The following CDH13 variants were observed in gnomAD, a reference collection of about 807,000 sequenced individuals.
The protein encoded by CDH13 is cadherin-13.
Under a neutral mutation model 63.8 loss-of-function variants are expected in CDH13, and 24 were observed. The ratio of observed to expected loss-of-function variants is 0.38; its 90% CI spans 0.27 to 0.53. The LOEUF (loss-of-function observed/expected upper bound fraction) is 0.53. Among genes scored for constraint, CDH13 ranks in the 20% least tolerant of loss-of-function variants. CDH13 has a pLI of 0.85. For synonymous variants in CDH13, 503 were observed against 355.3 expected (o/e 1.42, Z -4.67); for missense variants, 1,049 against 903.1 (o/e 1.16, Z -2.07).
intron 8 of CDH13, among the ~76,000 whole-genome samples, chr16:83,609,782 A>G (rs957936080): frequency 3.9e-5 from 6 of 152,314 alleles, no homozygotes; most frequent in Admixed American, 3.9e-4. Context: ...GGTTTTCATT[A>G]TATTCACAGA....
intron 3 of CDH13, among the ~76,000 whole-genome samples, chr16:83,085,239 A>T (rs1040553601): frequency 4.6e-5 from 7 of 152,168 alleles, no homozygotes; most frequent in Non-Finnish European, 7.4e-5. Context: ...AAGCAAAAGC[A>T]GAAACCCCTG....
At chr16:82,901,807 G>A (rs576367582) in intron 2 of CDH13, among the ~76,000 whole-genome samples, 2 of 152,318 alleles carry the variant, frequency 1.3e-5, no homozygotes, top group Admixed American at 1.3e-4. Context: ...CAAAGGTCTT[G>A]CCCTCATGGA....
intron 1 of CDH13, among the ~76,000 whole-genome samples, chr16:82,772,815 T>C (rs1273182177): frequency 6.6e-6 from 1 of 152,194 alleles, no homozygotes; most frequent in Non-Finnish European, 1.5e-5. Flanking sequence ...ACCCATTCAA[T>C]CTGACTCCAA....
intron 1 of CDH13, among the ~76,000 whole-genome samples, chr16:82,841,223 C>G (rs975355935): frequency 1.3e-5 from 2 of 152,152 alleles, no homozygotes; most frequent in Non-Finnish European, 2.9e-5. Flanking sequence ...GAATGGCAGC[C>G]TCTGCAAGCT....
At position 83,780,069 on chromosome 16, in the gene CDH13, G is replaced by A; in HGVS notation, c.1783G>A (p.Asp595Asn). The change falls in exon 12 of 14, where the codon GAT becomes AAT. Residue 595 changes from aspartate to asparagine, a missense_variant. Transcript: ENST00000567109. ...IYPTVAEVCD[D>N]AKNLSVVILG... ...CCCCACAGTAGCTGAAGTCTGTGAT[G>A]ATGCCAAAAACCTCAGTGTAGTCAT... The A allele has an allele frequency of 6.2e-7, 1 of 1,613,926 alleles. No homozygotes were observed.
intron 5 of CDH13, among the ~76,000 whole-genome samples, chr16:83,307,523 C>G (rs2089907522): frequency 6.6e-6 from 1 of 152,146 alleles, no homozygotes. Flanking sequence ...GGCAATTTTA[C>G]TAATAGGAGC....
intron 1 of CDH13, among the ~76,000 whole-genome samples, chr16:82,750,279 A>T (rs1211566764): frequency 6.6e-6 from 1 of 152,118 alleles, no homozygotes; most frequent in East Asian, 1.9e-4. Flanking sequence ...ATCCTGACTA[A>T]ATGGGTGGAA....
intron 2 of CDH13, among the ~76,000 whole-genome samples, chr16:83,001,961 C>A (rs966605252): frequency 1.3e-5 from 2 of 152,118 alleles, no homozygotes; most frequent in African/African-American, 2.4e-5. Context: ...AAGGAGCTCA[C>A]CTTAAAAGTT....
chr16:83,172,467 G>A (rs547064642), intron 4 of CDH13, among the ~76,000 whole-genome samples: 12 of 151,970 alleles, frequency 7.9e-5, no homozygotes, highest in Non-Finnish European at 1.6e-4. Flanking sequence ...CTTCAGCCTA[G>A]GTGACAGAGA....
chr16:82,892,418 C>G (rs967286349), intron 2 of CDH13, among the ~76,000 whole-genome samples: 2 of 152,108 alleles, frequency 1.3e-5, no homozygotes, highest in African/African-American at 4.8e-5. Context: ...TTTTCATGGA[C>G]AAAGATTTTC....
intron 5 of CDH13, among the ~76,000 whole-genome samples, chr16:83,322,790 A>G (rs1356677003): frequency 6.6e-6 from 1 of 152,168 alleles, no homozygotes; most frequent in African/African-American, 2.4e-5. Flanking sequence ...ACCATCTCCT[A>G]CTTTCTCAGT....
chr16:82,744,294 A>G (rs1252706931), intron 1 of CDH13, among the ~76,000 whole-genome samples: 2 of 152,194 alleles, frequency 1.3e-5, no homozygotes, highest in African/African-American at 2.4e-5. Flanking sequence ...GAAAAATGGT[A>G]TCTGCCTGGG....
At chr16:83,041,977 T>G (rs1917367520) in intron 3 of CDH13, among the ~76,000 whole-genome samples, 1 of 152,338 alleles carries the variant, frequency 6.6e-6, no homozygotes, top group East Asian at 1.9e-4. Flanking sequence ...CCCTCTTTCC[T>G]GATCTCACAC....
intron 3 of CDH13, among the ~76,000 whole-genome samples, chr16:83,048,280 T>C (rs1270759526): frequency 6.6e-6 from 1 of 152,174 alleles, no homozygotes; most frequent in African/African-American, 2.4e-5. Context: ...TGTATAAGGA[T>C]TGACTGAAAT....
chr16:82,985,714 G>A (rs1397890448), intron 2 of CDH13, among the ~76,000 whole-genome samples: 1 of 152,150 alleles, frequency 6.6e-6, no homozygotes. Flanking sequence ...CAAATTTCAT[G>A]TTGAATTGCA....
chr16:83,314,231 C>T (rs1298358542), intron 5 of CDH13, among the ~76,000 whole-genome samples: 1 of 152,124 alleles, frequency 6.6e-6, no homozygotes, highest in East Asian at 1.9e-4. Flanking sequence ...CTTCTCTCTT[C>T]TTCTTCTTTT....
intron 2 of CDH13, among the ~76,000 whole-genome samples, chr16:82,958,426 C>T (rs569146855): frequency 2.0e-5 from 3 of 152,184 alleles, no homozygotes; most frequent in South Asian, 4.2e-4. Flanking sequence ...ATGGAAAGGA[C>T]CCAGTGATGG....
At chr16:83,445,356 A>T (rs1219212038) in intron 6 of CDH13, among the ~76,000 whole-genome samples, 1 of 118,816 alleles carries the variant, frequency 8.4e-6, no homozygotes, top group Non-Finnish European at 2.1e-5. Context: ...AAAAGAAGAA[A>T]AGTTATTTCA....
chr16:83,034,583 G>A (rs568010855), intron 3 of CDH13, among the ~76,000 whole-genome samples: 23 of 152,334 alleles, frequency 1.5e-4, no homozygotes, highest in Admixed American at 1.2e-3. Context: ...CAAAAACAAT[G>A]TTCCATAGAA....
Sources: allele counts gnomAD v4.1 joint callset (sites outside exome capture counted in the v4.1 genomes callset), GRCh38; gene constraint gnomAD v4.1.1; transcripts MANE v1.5; gene names NCBI Gene and HGNC (gene_info 2026-07-23, HGNC 2026-07-21).